ARFGEF1: variants seen among roughly 807,000 people sequenced by gnomAD.
ARFGEF1 encodes brefeldin A-inhibited guanine nucleotide-exchange protein 1.
A neutral mutation model predicts 231.0 loss-of-function variants in ARFGEF1; 42 were observed. That is an observed-to-expected ratio of 0.18 (90% confidence interval 0.14 to 0.24). The LOEUF is 0.24. Ranked by LOEUF, ARFGEF1 falls within the 10% of genes least tolerant of loss-of-function variation. ARFGEF1 has a pLI of 1.00. For missense variants in ARFGEF1, 1,345 were observed against 2,192.0 expected (o/e 0.61, Z 7.72); for synonymous variants, 710 against 732.3 (o/e 0.97, Z 0.49).
intron 29 of ARFGEF1, among the ~76,000 whole-genome samples, chr8:67,222,002 A>G (rs1462155122): frequency 1.3e-5 from 2 of 150,044 alleles, no homozygotes; most frequent in Admixed American, 1.3e-4. Context: ...TTTAGTAGAG[A>G]CGGGGTTTCA....
At chr8:67,340,420 A>C (rs1327924945) in intron 1 of ARFGEF1, among the ~76,000 whole-genome samples, 3 of 152,344 alleles carry the variant, frequency 2.0e-5, no homozygotes, top group Admixed American at 2.0e-4. Context: ...CATCCTGCTT[A>C]ATGGCCACAT....
intron 17 of ARFGEF1, among the ~76,000 whole-genome samples, chr8:67,256,779 G>A (rs1840467752): frequency 6.6e-6 from 1 of 152,142 alleles, no homozygotes; most frequent in African/African-American, 2.4e-5. Context: ...CAATATTTAA[G>A]AAGTAAATAT....
At chr8:67,272,357 G>A (rs1325901997) in intron 9 of ARFGEF1, among the ~76,000 whole-genome samples, 4 of 151,910 alleles carry the variant, frequency 2.6e-5, no homozygotes, top group African/African-American at 4.8e-5. Context: ...TAGTAGAGAT[G>A]GGGTTTCACG....
chr8:67,343,093 A>ACCCCCCCCCAGCCCCCCCCCCCCCC, intron 1 of ARFGEF1, 71 bp downstream of exon 1: 1 of 184,674 alleles, frequency 5.4e-6, no homozygotes, highest in Non-Finnish European at 1.0e-5. Flanking sequence ...GGGCGACCCC[A>ACCCCCCCCCAGCCCCCCCCCCCCCC]CCCCCCCACA....
At chr8:67,243,101 AT>A (rs1345181200) in intron 19 of ARFGEF1, among the ~76,000 whole-genome samples, 2 of 152,190 alleles carry the variant, frequency 1.3e-5, no homozygotes, top group African/African-American at 4.8e-5. Flanking sequence ...AATCCAGAGA[AT>A]TCTTCTGAAT....
At chr8:67,231,282 C>T (rs72654955) in intron 23 of ARFGEF1, among the ~76,000 whole-genome samples, 8,832 of 152,106 alleles carry the variant, frequency 0.058, 389 homozygotes, top group South Asian at 0.13. Flanking sequence ...ATATAACTTT[C>T]GGTGTTTTCA....
intron 1 of ARFGEF1, among the ~76,000 whole-genome samples, chr8:67,313,019 A>G (rs139095066): frequency 0.013 from 1,972 of 152,342 alleles, 19 homozygotes; most frequent in Non-Finnish European, 0.018. Flanking sequence ...CAGAGGGAAC[A>G]ACAGAAAGCA....
chr8:67,227,721 T>C (rs1839423195), intron 25 of ARFGEF1, 123 bp from the exon 26 acceptor site: 1 of 1,089,398 alleles, frequency 9.2e-7, no homozygotes. Flanking sequence ...AGATTTTCCA[T>C]AAAGGCATTA....
chr8:67,233,805 G>A lies in ARFGEF1; in HGVS notation c.3290-860C>T, dbSNP rs574814981. Among the ~76,000 whole-genome samples the A allele has an allele frequency of 3.3e-5, 5 of 152,070 alleles. No homozygotes were observed. The East Asian group carries it at 7.7e-4, about 23-fold the overall frequency. The stretch of plus-strand genomic sequence containing the variant: ...GCATTTAAAGCACTTCCCTTCAACA[G>A]TCTAGCCAAAATGTGCCATCCCTCA... On this transcript the variant is annotated intron_variant, in intron 22 of 38. Transcript: ENST00000262215.
At chr8:67,229,642 C>A (rs1839490707) in intron 23 of ARFGEF1, among the ~76,000 whole-genome samples, 1 of 151,668 alleles carries the variant, frequency 6.6e-6, no homozygotes, top group Non-Finnish European at 1.5e-5. Flanking sequence ...TAGACTGGAC[C>A]CAGAAATTAA....
intron 29 of ARFGEF1, among the ~76,000 whole-genome samples, chr8:67,222,189 A>T (rs1839198926): frequency 7.2e-6 from 1 of 139,662 alleles, no homozygotes; most frequent in Non-Finnish European, 1.5e-5. Context: ...ACACATATAT[A>T]TATATATATA....
chr8:67,324,296 G>C (rs1417346478), intron 1 of ARFGEF1, among the ~76,000 whole-genome samples: 2 of 152,064 alleles, frequency 1.3e-5, no homozygotes, highest in Non-Finnish European at 2.9e-5. Flanking sequence ...CTGTCTCAAA[G>C]AAAACAAAAC....
intron 35 of ARFGEF1, among the ~76,000 whole-genome samples, chr8:67,204,153 A>G (rs1328864050): frequency 6.6e-6 from 1 of 152,074 alleles, no homozygotes; most frequent in Non-Finnish European, 1.5e-5. Flanking sequence ...AAAACTTCTT[A>G]ACAGAGTACT....
intron 36 of ARFGEF1, among the ~76,000 whole-genome samples, chr8:67,202,246 A>G (rs1025477158): frequency 1.3e-5 from 2 of 151,772 alleles, no homozygotes; most frequent in African/African-American, 2.4e-5. Context: ...ACTCATAATT[A>G]TATTTCTTTC....
intron 18 of ARFGEF1, among the ~76,000 whole-genome samples, chr8:67,252,763 G>C (rs1358906072): frequency 6.6e-6 from 1 of 152,118 alleles, no homozygotes; most frequent in Admixed American, 6.6e-5. Flanking sequence ...TAGACCTAAG[G>C]ACTCTACAGT....
intron 36 of ARFGEF1, 27 bp downstream of exon 36, chr8:67,203,056 A>G: frequency 6.3e-7 from 1 of 1,598,858 alleles, no homozygotes; most frequent in Non-Finnish European, 8.5e-7. Flanking sequence ...AACAGTAAAC[A>G]TTAAATGTGA....
intron 30 of ARFGEF1, 68 bp from the exon 31 acceptor site, chr8:67,218,206 AAATAT>A (rs1375847516): frequency 1.1e-4 from 19 of 174,946 alleles, no homozygotes; most frequent in East Asian, 1.7e-4. Flanking sequence ...AAAAAAAAAA[AAATAT>A]ATATATATAT....
chr8:67,280,319 T>C (rs1805482700), intron 7 of ARFGEF1, among the ~76,000 whole-genome samples: 1 of 152,226 alleles, frequency 6.6e-6, no homozygotes, highest in Admixed American at 6.5e-5. Flanking sequence ...AGACTGTATT[T>C]GATCACTGCC....
At chr8:67,343,005 C>T (rs1021845343) in intron 1 of ARFGEF1, among the ~76,000 whole-genome samples, 159 bp downstream of exon 1, 17 of 152,168 alleles carry the variant, frequency 1.1e-4, no homozygotes, top group Admixed American at 5.9e-4. Flanking sequence ...CAGCCGAGTT[C>T]CTGTCAACTC....
Sources: allele counts gnomAD v4.1 joint callset (sites outside exome capture counted in the v4.1 genomes callset), GRCh38; gene constraint gnomAD v4.1.1; transcripts MANE v1.5; gene names NCBI Gene and HGNC (gene_info 2026-07-23, HGNC 2026-07-21).